PRPF3: variants seen among roughly 807,000 people sequenced by gnomAD.
PRPF3 encodes U4/U6 small nuclear ribonucleoprotein Prp3.
Under a neutral mutation model 89.2 loss-of-function variants are expected in PRPF3, and 3 were observed. The observed-to-expected ratio is 0.03, with a 90% CI of 0.02 to 0.09. The LOEUF (loss-of-function observed/expected upper bound fraction) is 0.09, where lower values mean the gene tolerates loss of function less well. Among genes scored for constraint, PRPF3 ranks in the 10% least tolerant of loss-of-function variants. PRPF3 has a pLI of 1.00. For synonymous variants in PRPF3, 270 were observed against 289.1 expected, an observed-to-expected ratio of 0.93 and a Z score of 0.67; for missense variants, 463 against 828.8, an observed-to-expected ratio of 0.56 and a Z score of 5.42.
chr1:150,337,549 G>T (rs192224983), intron 7 of PRPF3, among the ~76,000 whole-genome samples: 20 of 152,002 alleles, frequency 1.3e-4, no homozygotes, highest in African/African-American at 4.8e-4. Flanking sequence ...TGGCCGAGGT[G>T]GGCGAATCAC....
intron 3 of PRPF3, chr1:150,327,714 T>G: frequency 1.3e-6 from 1 of 788,088 alleles, no homozygotes; most frequent in South Asian, 5.8e-5. Flanking sequence ...CCTGTTAAAT[T>G]CACCTTGCAA....
chr1:150,337,738 TG>T (rs1553868438), intron 7 of PRPF3, among the ~76,000 whole-genome samples: 1 of 140,898 alleles, frequency 7.1e-6, no homozygotes, highest in African/African-American at 2.7e-5. Flanking sequence ...CACTGCAGCC[TG>T]GGTGACAGAG....
chr1:150,330,426 G>C (rs1480341072), intron 4 of PRPF3: 3 of 152,544 alleles, frequency 2.0e-5, no homozygotes, highest in Non-Finnish European at 4.4e-5. Flanking sequence ...CGCGTTCTCG[G>C]CTCACTGCAA....
chr1:150,344,088 A>C, intron 10 of PRPF3, 74 bp from the exon 11 acceptor site: 1 of 1,245,966 alleles, frequency 8.0e-7, no homozygotes, highest in Non-Finnish European at 1.2e-6. Flanking sequence ...ATGAATTGGT[A>C]TGGAAGAAAT....
intron 6 of PRPF3, among the ~76,000 whole-genome samples, chr1:150,333,602 A>T (rs908903516): frequency 6.6e-6 from 1 of 152,150 alleles, no homozygotes; most frequent in East Asian, 1.9e-4. Context: ...CTTTTTCCAC[A>T]GAACCTAGAT....
chr1:150,347,304 GTACACACACATACACATACACACAA>G (rs1262056068), intron 14 of PRPF3, among the ~76,000 whole-genome samples: 2 of 150,618 alleles, frequency 1.3e-5, no homozygotes, highest in Admixed American at 1.3e-4. Flanking sequence ...ATACACACAT[GTACACACACATACACATACACACAA>G]TACACACACA....
rs782461785 is a variant in PRPF3, at chr1:150,338,353, A to G, written c.1202+27A>G. 6 of 1,608,772 alleles carry G rather than the reference A, an allele frequency of 3.7e-6. No homozygotes were observed. In the East Asian group the frequency reaches 1.3e-4, roughly 36 times the overall value. On this transcript the variant is annotated intron_variant, in intron 8 of 15. Transcript: ENST00000324862. ...TGAGTTTGTTTTAGTACCTTTTTAAAAAAACAGTTTTTAATCAGCTGAGTT... is the reference window on the plus strand; with the variant it reads ...TGAGTTTGTTTTAGTACCTTTTTAAGAAAACAGTTTTTAATCAGCTGAGTT...
intron 12 of PRPF3, 99 bp downstream of exon 12, chr1:150,344,646 C>T: frequency 1.6e-6 from 2 of 1,242,524 alleles, no homozygotes; most frequent in Non-Finnish European, 2.3e-6. Context: ...ATACCTAACA[C>T]CAGTTCCTAC....
chr1:150,334,598 C>T (rs1266564497), intron 6 of PRPF3, among the ~76,000 whole-genome samples: 1 of 152,100 alleles, frequency 6.6e-6, no homozygotes, highest in Non-Finnish European at 1.5e-5. Context: ...GCTGGGATTA[C>T]AGTGTGAGCC....
chr1:150,342,505 TACACACAC>T (rs147409085), intron 9 of PRPF3, among the ~76,000 whole-genome samples: 9 of 150,948 alleles, frequency 6.0e-5, no homozygotes, highest in Admixed American at 4.6e-4. Flanking sequence ...TTAAAGTTTA[TACACACAC>T]ACACACACAC....
At chr1:150,349,040 A>G in intron 14 of PRPF3, 117 bp from the exon 15 acceptor site, 1 of 865,942 alleles carries the variant, frequency 1.2e-6, no homozygotes, top group Admixed American at 1.8e-5. Context: ...AAAAGAGAAC[A>G]CTTGGTCCAA....
At position 150,353,029 on chromosome 1, in the gene PRPF3, C is replaced by A; in HGVS notation, c.*50C>A. 1 of 1,609,742 alleles carries A rather than the reference C, an allele frequency of 6.2e-7. No individual in the cohort carries two copies. Among genetic ancestry groups the A allele is most frequent in the Non-Finnish European group, 8.5e-7 (1 of 1,176,578 alleles). On this transcript the variant is annotated 3_prime_UTR_variant, in exon 16 of 16. Transcript: ENST00000324862. The stretch of plus-strand genomic sequence containing the variant: ...CTCCCTTGCCTTTGTCTCTTCAGTC[C>A]TCTCACTTATTCTATTTCCCAACCC...
chr1:150,347,472 TATAATC>T (rs1240423756), intron 14 of PRPF3, among the ~76,000 whole-genome samples: 1 of 152,110 alleles, frequency 6.6e-6, no homozygotes. Context: ...GGCTCACACT[TATAATC>T]TGAGCACTTT....
intron 3 of PRPF3, chr1:150,328,074 C>T: frequency 4.0e-6 from 2 of 497,176 alleles, no homozygotes; most frequent in Non-Finnish European, 7.3e-6. Flanking sequence ...GTAGCATTTG[C>T]AAAGACCTTG....
At chr1:150,348,034 A>G (rs1287451435) in intron 14 of PRPF3, among the ~76,000 whole-genome samples, 2 of 152,190 alleles carry the variant, frequency 1.3e-5, no homozygotes, top group African/African-American at 4.8e-5. Context: ...TCTGGCCATC[A>G]TACTCCCATT....
intron 1 of PRPF3, among the ~76,000 whole-genome samples, chr1:150,324,070 C>T (rs868977120): frequency 2.6e-5 from 4 of 152,236 alleles, no homozygotes; most frequent in Admixed American, 6.5e-5. Context: ...TGAGCCACCG[C>T]GCCCGGCCAG....
At chr1:150,340,565 T>C in intron 9 of PRPF3, 88 bp downstream of exon 9, 1 of 1,019,270 alleles carries the variant, frequency 9.8e-7, no homozygotes, top group Non-Finnish European at 1.5e-6. Context: ...GTATCTATGC[T>C]GTTCAATACA....
intron 15 of PRPF3, 137 bp downstream of exon 15, chr1:150,349,355 T>G (rs1658655641): frequency 2.6e-6 from 2 of 757,680 alleles, no homozygotes; most frequent in Non-Finnish European, 4.5e-6. Context: ...TTGGAATCCA[T>G]TTTTAAATGG....
intron 9 of PRPF3, 122 bp downstream of exon 9, chr1:150,340,599 CT>C (rs1163942088): frequency 3.1e-5 from 24 of 783,816 alleles, no homozygotes; most frequent in Admixed American, 1.8e-4. Flanking sequence ...ATGTGTAATT[CT>C]TTTTTTTAAT....
Sources: allele counts gnomAD v4.1 joint callset (sites outside exome capture counted in the v4.1 genomes callset), GRCh38; gene constraint gnomAD v4.1.1; transcripts MANE v1.5; gene names NCBI Gene and HGNC (gene_info 2026-07-23, HGNC 2026-07-21).